The following NID2 variants were observed in gnomAD, a reference collection of about 807,000 sequenced individuals.
NID2 encodes the protein nidogen-2.
A neutral mutation model predicts 145.4 loss-of-function variants in NID2; 83 were observed. The observed-to-expected ratio is 0.57, with a 90% CI of 0.48 to 0.69. The LOEUF (loss-of-function observed/expected upper bound fraction) is 0.69. NID2 is among the 30% of genes least tolerant of loss of function. NID2 has a pLI of 0.00. For synonymous variants in NID2, 739 were observed against 701.3 expected (o/e 1.05, Z -0.85); for missense variants, 1,807 against 1,765.7 (o/e 1.02, Z -0.42).
chr14:52,006,710 ATGATAGTGACATAG>A (rs1381564230), intron 19 of NID2, 50 bp from the exon 20 acceptor site: 14 of 1,603,582 alleles, frequency 8.7e-6, no homozygotes, highest in African/African-American at 6.7e-5. Flanking sequence ...TTTGCCAAAA[ATGATAGTGACATAG>A]TGATAGTGAC....
chr14:52,058,095 T>A (rs1446645455), intron 3 of NID2, among the ~76,000 whole-genome samples: 2 of 152,240 alleles, frequency 1.3e-5, no homozygotes, highest in African/African-American at 4.8e-5. Flanking sequence ...TGCTGTTTAC[T>A]GCAATGATAT....
intron 2 of NID2, among the ~76,000 whole-genome samples, chr14:52,066,315 G>A (rs985568309): frequency 8.2e-5 from 12 of 145,892 alleles, no homozygotes; most frequent in African/African-American, 2.6e-4. Context: ...CACAGTTAAC[G>A]GGTACCAAAA....
In NID2 at chr14:52,067,873, C is replaced by G. The variant is rs370137976; in HGVS notation, c.519G>C (p.Ala173=). ...GGTCACTTACCTCTCCCGAGGGCAG[C>G]GCCCCGCGCTTGACCTCCTCGTAAG... The part of the protein sequence containing the change: ...VGAYEEVKRG[A]LPSGELNTFQ... The change falls in exon 2 of 22, where the codon GCG becomes GCC. Residue 173 remains alanine (A), a synonymous_variant. Coordinates refer to ENST00000216286, the MANE Select transcript of NID2 (RefSeq NM_007361.4). 8.2e-5 allele frequency: 132 copies of G among 1,611,946 alleles called. 1 individual carries two copies. The African/African-American group carries it at 1.4e-3, about 18-fold the overall frequency.
chr14:52,051,342 A>C (rs1221020128), intron 5 of NID2, among the ~76,000 whole-genome samples: 2 of 152,222 alleles, frequency 1.3e-5, no homozygotes, highest in African/African-American at 4.8e-5. Flanking sequence ...TTGCAAGTAT[A>C]TGACGAGGTC....
chr14:52,035,878 A>ATATATACATATATATATTTATATT (rs58318209), intron 9 of NID2, among the ~76,000 whole-genome samples: 21 of 135,204 alleles, frequency 1.6e-4, no homozygotes, highest in African/African-American at 5.1e-4. Flanking sequence ...ATATATATAT[A>ATATATACATATATATATTTATATT]TGTTTTATTT....
intron 5 of NID2, among the ~76,000 whole-genome samples, chr14:52,047,443 C>T (rs994400250): frequency 2.6e-5 from 4 of 151,904 alleles, no homozygotes; most frequent in South Asian, 2.1e-4. Flanking sequence ...AAGAGGTGGC[C>T]TGGGTCATTC....
At position 52,011,009 on chromosome 14, in the gene NID2, G is replaced by T. The variant is rs370135512; in HGVS notation, c.3589C>A (p.Arg1197Ser). The T allele has an allele frequency of 1.2e-6, 2 of 1,614,188 alleles. No homozygotes were observed. Among genetic ancestry groups the T allele is most frequent in the Non-Finnish European group, 1.7e-6 (2 of 1,180,030 alleles). Residue 1197 changes from arginine (R) to serine (S), a missense_variant, in exon 18 of 22, where the codon CGC becomes AGC. By Grantham distance (110) the Arg-to-Ser change is moderately radical. Coordinates refer to ENST00000216286, the MANE Select transcript of NID2 (RefSeq NM_007361.4). ...SPEGLAIDHI[R>S]RTMYWTDSVL... The stretch of plus-strand genomic sequence containing the variant: ...CTGTCCGTCCAGTACATTGTTCTGC[G>T]GATGTGGTCTATGGCAAGTCCTTCA...
At chr14:52,062,792 T>G (rs1893056763) in intron 2 of NID2, among the ~76,000 whole-genome samples, 1 of 152,184 alleles carries the variant, frequency 6.6e-6, no homozygotes, top group African/African-American at 2.4e-5. Context: ...TGCTGTGAAC[T>G]CTGGGCATTT....
At chr14:52,027,631 G>C (rs1483804592) in intron 11 of NID2, among the ~76,000 whole-genome samples, 1 of 72,596 alleles carries the variant, frequency 1.4e-5, no homozygotes, top group African/African-American at 5.2e-5. Context: ...CAGAGCAATT[G>C]CTACACACAC....
At chr14:52,027,652 ACACAC>A (rs1448316457) in intron 11 of NID2, among the ~76,000 whole-genome samples, 1 of 151,042 alleles carries the variant, frequency 6.6e-6, no homozygotes, top group African/African-American at 2.4e-5. Context: ...ACACACACAC[ACACAC>A]ACACACACAC....
At chr14:52,021,204 C>T (rs1001083162) in intron 12 of NID2, among the ~76,000 whole-genome samples, 2 of 114,304 alleles carry the variant, frequency 1.7e-5, no homozygotes, top group Non-Finnish European at 1.8e-5. Context: ...AACCAAGTTT[C>T]TTTAAAATGT....
intron 5 of NID2, among the ~76,000 whole-genome samples, chr14:52,044,300 C>T (rs1056576744): frequency 6.6e-5 from 8 of 121,184 alleles, no homozygotes; most frequent in Middle Eastern, 7.1e-3. Context: ...AACGGAGTCT[C>T]GCTCTGTCGC....
chr14:52,014,595 C>T, intron 15 of NID2, 139 bp from the exon 16 acceptor site: 3 of 863,636 alleles, frequency 3.5e-6, no homozygotes, highest in Non-Finnish European at 5.3e-6. Context: ...TCCAGATGTT[C>T]TTCAAAAGAA....
rs1893326288 is a variant in NID2 at position 52,068,948 on chromosome 14, G to A, written c.47C>T (p.Pro16Leu). 1 of 1,613,592 alleles carries A rather than the reference G, an allele frequency of 6.2e-7. No homozygotes were observed. The highest frequency in any genetic ancestry group is 1.3e-5 in the African/African-American group (1 of 75,028). The stretch of plus-strand genomic sequence containing the variant: ...TAGCAACGGCAGCAGCAGTAGCACT[G>A]GTAACGACGACAGCACCGGCCGCCC... ...VAGRPVLSSL[P>L]VLLLLPLLML... Residue 16 changes from proline to leucine, a missense_variant, in exon 1 of 22, where the codon CCA becomes CTA. Physicochemically the swap from Pro to Leu is moderately conservative, Grantham distance 98. Coordinates refer to ENST00000216286, the MANE Select transcript of NID2 (RefSeq NM_007361.4).
intron 14 of NID2, among the ~76,000 whole-genome samples, chr14:52,017,949 G>A (rs994167631): frequency 2.6e-5 from 4 of 152,170 alleles, no homozygotes; most frequent in African/African-American, 7.2e-5. Context: ...CTCCCGAGGA[G>A]CTGGGACTAC....
intron 18 of NID2, chr14:52,008,490 T>C (rs1455042996): frequency 6.6e-6 from 1 of 152,586 alleles, no homozygotes; most frequent in African/African-American, 2.4e-5. Context: ...CTAAATGTTA[T>C]CTTACACTGC....
intron 11 of NID2, 119 bp downstream of exon 11, chr14:52,028,603 T>C (rs910211707): frequency 2.5e-5 from 29 of 1,179,142 alleles, no homozygotes; most frequent in Non-Finnish European, 3.0e-5. Flanking sequence ...GTAAACTGTC[T>C]TCTTAAGAAA....
chr14:52,026,452 C>T (rs769115137), intron 12 of NID2, among the ~76,000 whole-genome samples: 17 of 152,150 alleles, frequency 1.1e-4, no homozygotes, highest in African/African-American at 1.7e-4. Flanking sequence ...TTTACCCTAA[C>T]TGTGTGTGTG....
intron 14 of NID2, among the ~76,000 whole-genome samples, chr14:52,015,823 C>G (rs540531181): frequency 7.7e-4 from 118 of 152,306 alleles, no homozygotes; most frequent in African/African-American, 2.8e-3. Context: ...ACTGAAAGCC[C>G]AGCGCCACGG....
Sources: gnomAD v4.1 joint callset for allele counts (sites outside exome capture counted in the v4.1 genomes callset) on GRCh38, gnomAD v4.1.1 for gene constraint, MANE v1.5 for transcripts, NCBI Gene and HGNC (gene_info 2026-07-23, HGNC 2026-07-21) for gene names.